TTC28: variants seen among roughly 807,000 people sequenced by gnomAD.
TTC28 encodes tetratricopeptide repeat protein 28.
In TTC28, 61 loss-of-function variants were observed where a neutral mutation model predicts 198.0. The observed-to-expected ratio is 0.31, with a 90% CI of 0.25 to 0.38. The LOEUF (loss-of-function observed/expected upper bound fraction) is 0.38, where lower values mean the gene tolerates loss of function less well. TTC28 is among the 10% of genes least tolerant of loss of function. The pLI, the probability that TTC28 is intolerant of heterozygous loss-of-function variation, is 1.00. For missense variants in TTC28, 2,678 were observed against 3,164.0 expected, an observed-to-expected ratio of 0.85 and a Z score of 3.69; for synonymous variants, 1,171 against 1,297.8, an observed-to-expected ratio of 0.90 and a Z score of 2.10.
chr22:28,158,039 A>C (rs966892111), intron 6 of TTC28, among the ~76,000 whole-genome samples: 3 of 152,136 alleles, frequency 2.0e-5, no homozygotes, highest in Non-Finnish European at 2.9e-5. Flanking sequence ...TCAAAAAAAA[A>C]CCACTAGAAC....
intron 1 of TTC28, among the ~76,000 whole-genome samples, chr22:28,638,863 G>T (rs915234686): frequency 5.3e-5 from 8 of 151,984 alleles, no homozygotes; most frequent in Non-Finnish European, 8.8e-5. Context: ...GGGAGGTCTC[G>T]CTATATTGCC....
At chr22:28,441,759 A>G (rs190955410) in intron 2 of TTC28, among the ~76,000 whole-genome samples, 1 of 152,160 alleles carries the variant, frequency 6.6e-6, no homozygotes, top group Non-Finnish European at 1.5e-5. Context: ...AGCTAGTTCA[A>G]GTAAAAACCA....
In TTC28 at chr22:28,306,556, G is replaced by C; in HGVS notation, c.469C>G (p.Pro157Ala). Residue 157 changes from proline (P) to alanine (A), a missense_variant, in exon 3 of 23, where the codon CCC becomes GCC. Coordinates refer to ENST00000397906, the MANE Select transcript of TTC28 (RefSeq NM_001145418.2). ...AAFASGLAQD[P>A]KSLQLLVGMV... Reference sequence around the variant, plus strand: ...CCCACCAGAAGCTGGAGACTCTTGGGGTCTTGAGCCAGTCCAGATGCAAAG... The same window carrying C: ...CCCACCAGAAGCTGGAGACTCTTGGCGTCTTGAGCCAGTCCAGATGCAAAG... 6.4e-7 allele frequency: 1 copy of C among 1,551,180 alleles called. No homozygotes were observed. The highest frequency in any genetic ancestry group is 8.7e-7 in the Non-Finnish European group (1 of 1,146,850).
intron 2 of TTC28, among the ~76,000 whole-genome samples, chr22:28,422,334 T>C (rs2047269023): frequency 6.6e-6 from 1 of 152,182 alleles, no homozygotes; most frequent in Non-Finnish European, 1.5e-5. Flanking sequence ...CATAACGCAA[T>C]ACCACAAACA....
At chr22:28,188,600 G>A (rs1356352347) in intron 5 of TTC28, among the ~76,000 whole-genome samples, 1 of 152,206 alleles carries the variant, frequency 6.6e-6, no homozygotes, top group African/African-American at 2.4e-5. Flanking sequence ...GTTTAGAGAT[G>A]AAGACGGAAA....
intron 5 of TTC28, among the ~76,000 whole-genome samples, chr22:28,181,767 T>C (rs1923723147): frequency 6.6e-6 from 1 of 152,144 alleles, no homozygotes; most frequent in Non-Finnish European, 1.5e-5. Flanking sequence ...ACTGTAGCCA[T>C]GCTATCTATT....
At chr22:28,103,550 G>A (rs971085308) in intron 8 of TTC28, among the ~76,000 whole-genome samples, 1 of 152,116 alleles carries the variant, frequency 6.6e-6, no homozygotes. Flanking sequence ...CAGAGCATTC[G>A]GAAAGCACCA....
intron 5 of TTC28, among the ~76,000 whole-genome samples, chr22:28,260,590 G>T (rs140207257): frequency 6.6e-6 from 1 of 152,046 alleles, no homozygotes; most frequent in Non-Finnish European, 1.5e-5. Flanking sequence ...AAAATAAAAG[G>T]TGAAATGATC....
intron 2 of TTC28, among the ~76,000 whole-genome samples, chr22:28,464,892 A>G (rs2047997272): frequency 6.6e-6 from 1 of 152,194 alleles, no homozygotes; most frequent in Non-Finnish European, 1.5e-5. Context: ...ATACTCCTTG[A>G]AAGCCATTTA....
chr22:28,312,427 C>G (rs1206481539), intron 2 of TTC28, among the ~76,000 whole-genome samples: 1 of 152,144 alleles, frequency 6.6e-6, no homozygotes, highest in African/African-American at 2.4e-5. Context: ...AGCACCACAT[C>G]ACACTTATTC....
intron 13 of TTC28, 115 bp from the exon 14 acceptor site, chr22:28,014,507 A>G: frequency 8.2e-6 from 10 of 1,212,852 alleles, no homozygotes; most frequent in Non-Finnish European, 1.0e-5. Flanking sequence ...CACAGCAGCA[A>G]CCCCGCCAGC....
intron 6 of TTC28, among the ~76,000 whole-genome samples, chr22:28,119,854 G>A (rs1003374479): frequency 6.6e-6 from 1 of 152,182 alleles, no homozygotes; most frequent in East Asian, 1.9e-4. Context: ...AATCATCAAA[G>A]CTAATTAATT....
At chr22:28,569,143 T>A (rs931976849) in intron 2 of TTC28, among the ~76,000 whole-genome samples, 2 of 137,846 alleles carry the variant, frequency 1.5e-5, no homozygotes, top group African/African-American at 5.4e-5. Context: ...TGAGACTCTG[T>A]TCTGTCTCAA....
intron 5 of TTC28, among the ~76,000 whole-genome samples, chr22:28,295,974 A>G (rs1036585675): frequency 2.0e-5 from 3 of 152,186 alleles, no homozygotes; most frequent in African/African-American, 7.2e-5. Context: ...TTAGATCGTG[A>G]GGTCAAGAAC....
chr22:28,393,230 T>A (rs752147630), intron 2 of TTC28, among the ~76,000 whole-genome samples: 2 of 152,096 alleles, frequency 1.3e-5, no homozygotes, highest in African/African-American at 4.8e-5. Flanking sequence ...GTAGGCAGAG[T>A]TCACCTCTAG....
At chr22:28,593,539 C>T (rs763851892) in intron 2 of TTC28, among the ~76,000 whole-genome samples, 3 of 151,764 alleles carry the variant, frequency 2.0e-5, no homozygotes, top group Non-Finnish European at 2.9e-5. Context: ...ATCAATCAAT[C>T]GATAGATGAA....
chr22:27,995,458 A>G (rs1267717077), intron 17 of TTC28, among the ~76,000 whole-genome samples: 1 of 152,184 alleles, frequency 6.6e-6, no homozygotes, highest in East Asian at 1.9e-4. Context: ...TAGAAGGATG[A>G]AACAAGTTTG....
chr22:28,344,645 T>G (rs2045879831), intron 2 of TTC28, among the ~76,000 whole-genome samples: 1 of 152,192 alleles, frequency 6.6e-6, no homozygotes, highest in Non-Finnish European at 1.5e-5. Flanking sequence ...AATTCTATAA[T>G]CTTCATGCAA....
At chr22:28,629,938 C>T (rs1254228247) in intron 1 of TTC28, 108 bp from the exon 2 acceptor site, 35 of 1,020,710 alleles carry the variant, frequency 3.4e-5, no homozygotes, top group Non-Finnish European at 4.8e-5. Context: ...AAAATGTGAT[C>T]CCCAGTATTG....
Sources: allele counts gnomAD v4.1 joint callset (sites outside exome capture counted in the v4.1 genomes callset), GRCh38; gene constraint gnomAD v4.1.1; transcripts MANE v1.5; gene names NCBI Gene and HGNC (gene_info 2026-07-23, HGNC 2026-07-21).